The following ZC3H11A variants were observed in gnomAD, a reference collection of about 807,000 sequenced individuals.
ZC3H11A encodes zinc finger CCCH-type containing 11A.
Under a neutral mutation model 90.8 loss-of-function variants are expected in ZC3H11A, and 22 were observed. The ratio of observed to expected loss-of-function variants is 0.24; its 90% CI spans 0.17 to 0.35. The LOEUF is 0.35. Ranked by LOEUF, ZC3H11A falls within the 10% of genes least tolerant of loss-of-function variation. ZC3H11A has a pLI of 1.00. For synonymous variants in ZC3H11A, 294 were observed against 339.8 expected (o/e 0.87, Z 1.48); for missense variants, 701 against 964.9 (o/e 0.73, Z 3.62).
rs1327632689 is a variant in ZC3H11A, at chr1:203,802,108, G to A, written c.-1054G>A. On this transcript the variant is annotated 5_prime_UTR_variant, in exon 2 of 18. Coordinates refer to ENST00000367210, the MANE Select transcript of ZC3H11A (RefSeq NM_001376342.1). ...GCCAGTTTAGAATGGCTATAATGCT[G>A]CTCTGCCTTCTACAGCTTGCTGCAC... 1 of 152,538 alleles carries A rather than the reference G, an allele frequency of 6.6e-6. No homozygotes were observed. The highest frequency in any genetic ancestry group is 2.4e-5 in the African/African-American group (1 of 41,428). The allele number at this position is 152,538 out of a possible 1,614,324, so 9.4% of individuals were successfully genotyped here. A position where few individuals can be genotyped will look rare whatever the true frequency, so the allele number is the denominator to read the frequency against.
intron 2 of ZC3H11A, among the ~76,000 whole-genome samples, chr1:203,806,654 A>G (rs1386576204): frequency 6.6e-6 from 1 of 152,108 alleles, no homozygotes; most frequent in Non-Finnish European, 1.5e-5. Context: ...ACAGTGTTGA[A>G]AGATGGTGAA....
rs534257847 is a variant in ZC3H11A, at chr1:203,804,709, G to A, written c.-146+1693G>A. Among the ~76,000 whole-genome samples, 43 of 138,944 alleles carry A rather than the reference G, an allele frequency of 3.1e-4. 1 individual carries two copies. Among genetic ancestry groups the A allele is most frequent in the African/African-American group, 8.1e-4 (30 of 36,892 alleles). The allele number at this position is 138,944 out of a possible 152,430, so 91.2% of individuals were successfully genotyped here. On this transcript the variant is annotated intron_variant, in intron 2 of 17. Transcript: ENST00000367210. ...TTTTTTGATATGGAGTATTGCTCTC[G>A]TTGCCTAGGCTGGAGTGCAATGGTG...
intron 6 of ZC3H11A, 53 bp downstream of exon 6, chr1:203,829,707 A>G: frequency 6.2e-7 from 1 of 1,612,486 alleles, no homozygotes; most frequent in Non-Finnish European, 8.5e-7. Flanking sequence ...TCTCATAGTG[A>G]ATTGGGCAGA....
chr1:203,805,728 T>C (rs1672097097), intron 2 of ZC3H11A: 6 of 664,236 alleles, frequency 9.0e-6, no homozygotes, highest in South Asian at 8.2e-5. Context: ...CTGGCTCATC[T>C]AAATAGAACT....
At chr1:203,825,060 G>C (rs1405080867) in intron 4 of ZC3H11A, among the ~76,000 whole-genome samples, 5 of 126,824 alleles carry the variant, frequency 3.9e-5, no homozygotes, top group Non-Finnish European at 7.8e-5. Flanking sequence ...CTGGGCAACA[G>C]AGCGAGACTC....
chr1:203,807,810 C>T (rs567588962), intron 2 of ZC3H11A, among the ~76,000 whole-genome samples: 4 of 152,122 alleles, frequency 2.6e-5, no homozygotes, highest in South Asian at 2.1e-4. Context: ...GGGGCAGTCA[C>T]GGCTCACTGC....
intron 1 of ZC3H11A, chr1:203,798,559 C>G (rs1025431641): frequency 6.5e-7 from 1 of 1,536,120 alleles, no homozygotes; most frequent in African/African-American, 1.4e-5. Context: ...TTGAGTGATA[C>G]CTTGCATGGA....
At chr1:203,817,412 G>A (rs1225369276) in intron 3 of ZC3H11A, among the ~76,000 whole-genome samples, 1 of 149,676 alleles carries the variant, frequency 6.7e-6, no homozygotes, top group African/African-American at 2.4e-5. Flanking sequence ...CTTTGGAAAT[G>A]GGGCCACTTT....
chr1:203,838,804 T>C (rs1474478352), intron 11 of ZC3H11A, among the ~76,000 whole-genome samples: 1 of 151,818 alleles, frequency 6.6e-6, no homozygotes, highest in South Asian at 2.1e-4. Context: ...TACAAAAAAA[T>C]TAGCTGGGCA....
intron 2 of ZC3H11A, among the ~76,000 whole-genome samples, chr1:203,809,257 C>G (rs910288854): frequency 7.5e-6 from 1 of 132,556 alleles, no homozygotes; most frequent in Non-Finnish European, 1.5e-5. Flanking sequence ...CTCACTGCAA[C>G]CTCCGCCTCC....
chr1:203,847,306 G>A lies in ZC3H11A; in HGVS notation c.1165G>A (p.Asp389Asn). Residue 389 changes from aspartate to asparagine, a missense_variant, in exon 13 of 18, where the codon GAT (aspartate) becomes AAT (asparagine). Physicochemically the swap from Asp to Asn is conservative, Grantham distance 23 (BLOSUM62 1). This residue lies in a region of ZC3H11A where 530 missense variants were observed against 696.2 expected (regional missense o/e 0.76). Coordinates refer to ENST00000367210, the MANE Select transcript of ZC3H11A (RefSeq NM_001376342.1). Reference protein sequence around the residue: ...KLKTEGPSKTDDSTSGARSSS... With the variant: ...KLKTEGPSKTNDSTSGARSSS... ...CAAGACAGAAGGACCTTCAAAAACT[G>A]ATGATTCTACTTCAGGAGCAAGAAG... is the stretch of plus-strand genomic sequence containing the variant. 6.2e-7 allele frequency: 1 copy of A among 1,613,858 alleles called. No homozygotes were observed. The highest frequency in any genetic ancestry group is 8.5e-7 in the Non-Finnish European group (1 of 1,179,856).
chr1:203,848,702 A>G (rs1296640815), intron 14 of ZC3H11A, among the ~76,000 whole-genome samples: 2 of 152,222 alleles, frequency 1.3e-5, no homozygotes, highest in African/African-American at 2.4e-5. Context: ...CCTGGCTAAC[A>G]CGGTGAAACC....
chr1:203,840,135 C>T (rs1685642727), intron 11 of ZC3H11A, among the ~76,000 whole-genome samples, 171 bp from the exon 12 acceptor site: 1 of 151,652 alleles, frequency 6.6e-6, no homozygotes. Flanking sequence ...GATGGGGTTT[C>T]ACCATGTTGG....
At chr1:203,851,177 G>A in intron 17 of ZC3H11A, 53 bp downstream of exon 17, 1 of 1,541,102 alleles carries the variant, frequency 6.5e-7, no homozygotes, top group Non-Finnish European at 8.9e-7. Flanking sequence ...TTACTGTTTA[G>A]GCTCTCTAGA....
At chr1:203,812,793 G>A (rs1156889506) in intron 2 of ZC3H11A, among the ~76,000 whole-genome samples, 1 of 151,996 alleles carries the variant, frequency 6.6e-6, no homozygotes, top group Non-Finnish European at 1.5e-5. Context: ...TGTTTGCCAA[G>A]CTCGTCTTGA....
chr1:203,849,528 A>C (rs183498003), intron 14 of ZC3H11A, among the ~76,000 whole-genome samples, 183 bp from the exon 15 acceptor site: 1 of 152,168 alleles, frequency 6.6e-6, no homozygotes, highest in Non-Finnish European at 1.5e-5. Flanking sequence ...TATTCCATAC[A>C]TCTGTAATTC....
chr1:203,851,157 C>T (rs1689157822), intron 17 of ZC3H11A, 33 bp downstream of exon 17: 2 of 1,602,168 alleles, frequency 1.2e-6, no homozygotes, highest in African/African-American at 1.3e-5. Flanking sequence ...AAACAAACTC[C>T]AGGCCCCTGT....
intron 4 of ZC3H11A, among the ~76,000 whole-genome samples, chr1:203,826,584 C>T (rs1358083677): frequency 2.0e-5 from 3 of 152,098 alleles, no homozygotes; most frequent in African/African-American, 7.2e-5. Context: ...TTTTATCACT[C>T]TCTCAATATA....
chr1:203,797,527 G>T (rs1341455719), intron 1 of ZC3H11A: 8 of 1,509,648 alleles, frequency 5.3e-6, no homozygotes, highest in Non-Finnish European at 7.0e-6. Context: ...AAGAGAATGA[G>T]TGTATGTACT....
Sources: gnomAD v4.1 joint callset for allele counts (sites outside exome capture counted in the v4.1 genomes callset) on GRCh38, gnomAD v4.1.1 for gene constraint, gnomAD v4.1.1 regional missense constraint, MANE v1.5 for transcripts, NCBI Gene and HGNC (gene_info 2026-07-23, HGNC 2026-07-21) for gene names.